OPHN1: variants seen among roughly 807,000 people sequenced by gnomAD.
The protein encoded by OPHN1 is oligophrenin-1.
Under a neutral mutation model 60.7 loss-of-function variants are expected in OPHN1, and 11 were observed. The observed-to-expected ratio is 0.18, with a 90% CI of 0.11 to 0.30. The LOEUF (loss-of-function observed/expected upper bound fraction) is 0.30, where lower values mean the gene tolerates loss of function less well. Among genes scored for constraint, OPHN1 ranks in the 10% least tolerant of loss-of-function variants. OPHN1 has a pLI of 1.00. For synonymous variants in OPHN1, 226 were observed against 222.6 expected (o/e 1.02, Z -0.14); for missense variants, 449 against 611.0 (o/e 0.73, Z 2.80).
At chrX:68,110,994 T>C (rs947404628) in intron 18 of OPHN1, among the ~76,000 whole-genome samples, 1 of 111,916 alleles carries the variant, frequency 8.9e-6, no homozygotes, top group African/African-American at 3.2e-5. Flanking sequence ...AGGCCTCAAT[T>C]TTAGGTGTTT....
At position 68,228,797 on chromosome X, in the gene OPHN1, C is replaced by T. The variant is rs180953548; in HGVS notation, c.486+5690G>A. Among the ~76,000 whole-genome samples, 556 of 110,942 alleles carry T rather than the reference C, an allele frequency of 5.0e-3. 3 individuals are homozygous for T. Among genetic ancestry groups the T allele is most frequent in the African/African-American group, 0.017 (519 of 30,508 alleles). Reference sequence around the variant, plus strand: ...AGAGCTATTTATGGCAAACCCACAGCCAATATCTCACTGAATGGGCAAAAA... The same window carrying T: ...AGAGCTATTTATGGCAAACCCACAGTCAATATCTCACTGAATGGGCAAAAA... On this transcript the variant is annotated intron_variant, in intron 6 of 24. Transcript: ENST00000355520.
chrX:68,071,812 G>A (rs915459562), intron 20 of OPHN1: 19 of 390,779 alleles, frequency 4.9e-5, no homozygotes, highest in African/African-American at 1.8e-4. Flanking sequence ...TAAGGGAGCC[G>A]GCTGCTGATG....
At chrX:68,303,980 T>C (rs751280672) in intron 2 of OPHN1, among the ~76,000 whole-genome samples, 22 of 111,278 alleles carry the variant, frequency 2.0e-4, no homozygotes, top group African/African-American at 7.2e-4. Flanking sequence ...AAATTATGGC[T>C]AGACAGAAGA....
intron 2 of OPHN1, among the ~76,000 whole-genome samples, chrX:68,378,240 T>C: frequency 8.9e-6 from 1 of 112,478 alleles, no homozygotes; most frequent in Non-Finnish European, 1.9e-5. Flanking sequence ...TTTTGAGAAG[T>C]GTCTGTTCAT....
rs1569269520 is a variant in OPHN1 at position 68,287,190 on chromosome X, G to GAAA, written c.251-4074_251-4073insTTT. On this transcript the variant is annotated intron_variant, in intron 3 of 24. Transcript: ENST00000355520. ...GAAAGAAAGAAAGAAAGAAAGAAAAGGGAGGGAGGGAGGAGAAGGGGAAGG... is the reference window on the plus strand; with the variant it reads ...GAAAGAAAGAAAGAAAGAAAGAAAAGAAAGGAGGGAGGGAGGAGAAGGGGAAGG... Among the ~76,000 whole-genome samples, 43 of 56,560 alleles carry GAAA rather than the reference G, an allele frequency of 7.6e-4. 1 individual carries two copies. The African/African-American group carries it at 0.01, about 13-fold the overall frequency. The allele number at this position is 56,560 out of a possible 115,157, so 49.1% of individuals were successfully genotyped here.
intron 15 of OPHN1, among the ~76,000 whole-genome samples, chrX:68,155,461 T>A (rs2077305313): frequency 1.8e-5 from 2 of 112,132 alleles, no homozygotes; most frequent in South Asian, 7.5e-4. Context: ...TGCCACCATG[T>A]GAAGAAGGTC....
intron 2 of OPHN1, among the ~76,000 whole-genome samples, chrX:68,379,609 T>C (rs1364187829): frequency 9.3e-6 from 1 of 107,733 alleles, no homozygotes; most frequent in African/African-American, 3.4e-5. Context: ...GTCCCATCAA[T>C]ACCTAATTTA....
intron 2 of OPHN1, among the ~76,000 whole-genome samples, chrX:68,422,327 C>A (rs2147786931): frequency 9.2e-6 from 1 of 108,733 alleles, no homozygotes; most frequent in East Asian, 2.9e-4. Flanking sequence ...TGAGAGCACC[C>A]TGGGCAACAA....
intron 2 of OPHN1, among the ~76,000 whole-genome samples, chrX:68,411,290 A>G (rs1355416832): frequency 8.9e-6 from 1 of 112,209 alleles, no homozygotes; most frequent in Non-Finnish European, 1.9e-5. Context: ...ACCCTCACCC[A>G]ATAATTTCCC....
At chrX:68,203,194 G>T (rs2147469706) in intron 10 of OPHN1, among the ~76,000 whole-genome samples, 1 of 111,808 alleles carries the variant, frequency 8.9e-6, no homozygotes, top group South Asian at 3.8e-4. Flanking sequence ...GGCAGAGGCT[G>T]CAGTGCGCCA....
intron 3 of OPHN1, among the ~76,000 whole-genome samples, chrX:68,288,125 G>C (rs2078054014): frequency 1.8e-5 from 2 of 112,025 alleles, no homozygotes; most frequent in African/African-American, 3.2e-5. Context: ...CAAGAAGCAT[G>C]TAGCAAAGTC....
chrX:68,226,513 C>T (rs946607050), intron 6 of OPHN1, among the ~76,000 whole-genome samples: 2 of 111,844 alleles, frequency 1.8e-5, no homozygotes, highest in Non-Finnish European at 3.8e-5. Flanking sequence ...GGAAGCCCAT[C>T]AGACTAACAG....
intron 15 of OPHN1, among the ~76,000 whole-genome samples, chrX:68,135,553 CAGA>C: frequency 8.9e-6 from 1 of 112,059 alleles, no homozygotes; most frequent in Middle Eastern, 4.6e-3. Context: ...GGCCTGAATA[CAGA>C]AGAACAGTCT....
At chrX:68,180,717 A>G (rs1446341540) in intron 15 of OPHN1, among the ~76,000 whole-genome samples, 1 of 111,938 alleles carries the variant, frequency 8.9e-6, no homozygotes, top group Non-Finnish European at 1.9e-5. Flanking sequence ...CACCCACATT[A>G]ATATGACGTT....
At chrX:68,289,690 C>A (rs931914030) in intron 3 of OPHN1, among the ~76,000 whole-genome samples, 1 of 111,704 alleles carries the variant, frequency 9.0e-6, no homozygotes, top group South Asian at 3.7e-4. Context: ...CCCATCTCTA[C>A]AAAAAACAAA....
intron 18 of OPHN1, among the ~76,000 whole-genome samples, chrX:68,109,263 C>A (rs2077094264): frequency 9.0e-6 from 1 of 111,564 alleles, no homozygotes; most frequent in South Asian, 3.7e-4. Flanking sequence ...TCAATGAAAT[C>A]ATATAAAATA....
chrX:68,208,275 G>C (rs1349387145), intron 9 of OPHN1, among the ~76,000 whole-genome samples: 4 of 109,953 alleles, frequency 3.6e-5, no homozygotes, highest in Admixed American at 2.9e-4. Context: ...ATTTTTAGTA[G>C]AGACGGGGTT....
chrX:68,332,034 CATAAATAAATAA>C (rs751574373), intron 2 of OPHN1, among the ~76,000 whole-genome samples: 35 of 108,477 alleles, frequency 3.2e-4, no homozygotes, highest in Non-Finnish European at 3.2e-4. Flanking sequence ...GACTCTGTCT[CATAAATAAATAA>C]ATAAATAAAT....
chrX:68,220,549 C>T (rs1602246972), intron 6 of OPHN1, among the ~76,000 whole-genome samples: 2 of 92,689 alleles, frequency 2.2e-5, no homozygotes, highest in African/African-American at 7.7e-5. Context: ...ACTGGCAAAA[C>T]GAATCCAGCA....
Sources: gnomAD v4.1 joint callset for allele counts (sites outside exome capture counted in the v4.1 genomes callset) on GRCh38, gnomAD v4.1.1 for gene constraint, MANE v1.5 for transcripts, NCBI Gene and HGNC (gene_info 2026-07-23, HGNC 2026-07-21) for gene names.